NHSL3: variants seen among roughly 807,000 people sequenced by gnomAD.
The protein encoded by NHSL3 is NHS like 3.
chr1:32,751,360 C>T, the NHSL3 span, among the ~76,000 whole-genome samples: 1 of 152,318 alleles, frequency 6.6e-6, no homozygotes, highest in African/African-American at 2.4e-5. Context: ...GTTGCTACTA[C>T]AGCTAATCTA....
the NHSL3 span, chr1:32,765,904 A>T: frequency 7.2e-7 from 1 of 1,385,746 alleles, no homozygotes; most frequent in Admixed American, 2.0e-5. Flanking sequence ...AGAATGAGGA[A>T]TCAAGGCTGG....
chr1:32,759,180 T>C, the NHSL3 span, among the ~76,000 whole-genome samples: 1 of 152,088 alleles, frequency 6.6e-6, no homozygotes, highest in Admixed American at 6.5e-5. Flanking sequence ...ATTGTGTGGC[T>C]TTCTTTAAGG....
the NHSL3 span, among the ~76,000 whole-genome samples, chr1:32,765,273 GGGCTCCTGCCT>G: frequency 0.013 from 1,997 of 152,278 alleles, 44 homozygotes; most frequent in African/African-American, 0.046. Context: ...TAGCAGCTCT[GGGCTCCTGCCT>G]GGCTGCTGCA....
chr1:32,752,944 CACACACAT>C, the NHSL3 span, among the ~76,000 whole-genome samples: 23 of 25,510 alleles, frequency 9.0e-4, no homozygotes, highest in African/African-American at 2.2e-3. Context: ...CACACACACA[CACACACAT>C]ATATATATAT....
the NHSL3 span, chr1:32,771,959 C>T: frequency 1.2e-6 from 2 of 1,605,820 alleles, no homozygotes; most frequent in South Asian, 1.1e-5. Context: ...CCTGCCCCCT[C>T]CTCAGGGCTC....
At chr1:32,749,270 C>T in the NHSL3 span, among the ~76,000 whole-genome samples, 1 of 152,154 alleles carries the variant, frequency 6.6e-6, no homozygotes, top group South Asian at 2.1e-4. Context: ...AGCTGGCTAT[C>T]TGGGGTTCCG....
At chr1:32,770,953 A>G in the NHSL3 span, 1 of 963,526 alleles carries the variant, frequency 1.0e-6, no homozygotes, top group Non-Finnish European at 1.5e-6. The surrounding 1 kb of genome is among the most constrained non-coding windows in gnomAD (Gnocchi z 8.3). Context: ...TGGTACTCCC[A>G]CCCTCCCTCC....
At chr1:32,745,553 G>T in the NHSL3 span, among the ~76,000 whole-genome samples, 4 of 91,356 alleles carry the variant, frequency 4.4e-5, no homozygotes, top group Admixed American at 2.4e-4. Flanking sequence ...GCGAGACTAG[G>T]TCTCAAAAAA....
the NHSL3 span, chr1:32,772,573 G>C: frequency 1.4e-6 from 2 of 1,392,058 alleles, no homozygotes; most frequent in African/African-American, 2.9e-5. Context: ...AGGGCAAGCT[G>C]TCACCCTTGC....
the NHSL3 span, chr1:32,765,801 C>A: frequency 2.6e-6 from 4 of 1,547,628 alleles, no homozygotes; most frequent in Non-Finnish European, 3.5e-6. Flanking sequence ...CGCCTCCCGG[C>A]GCTCCTAGGG....
At chr1:32,757,017 G>A in the NHSL3 span, among the ~76,000 whole-genome samples, 4 of 152,198 alleles carry the variant, frequency 2.6e-5, no homozygotes, top group Admixed American at 2.6e-4. Flanking sequence ...AGGTGGGAGG[G>A]AAAAGTAGCT....
At chr1:32,764,994 G>C in the NHSL3 span, among the ~76,000 whole-genome samples, 2 of 152,244 alleles carry the variant, frequency 1.3e-5, no homozygotes, top group African/African-American at 4.8e-5. Flanking sequence ...TTCCAGGCTA[G>C]GGGAGAAGGA....
the NHSL3 span, among the ~76,000 whole-genome samples, chr1:32,755,917 C>T: frequency 1.3e-5 from 2 of 152,106 alleles, no homozygotes; most frequent in East Asian, 1.9e-4. Flanking sequence ...GATGGTCGCT[C>T]GGATCTGATG....
chr1:32,745,185 G>A, the NHSL3 span, among the ~76,000 whole-genome samples: 2 of 151,628 alleles, frequency 1.3e-5, no homozygotes, highest in East Asian at 3.9e-4. Flanking sequence ...AAATGCAAGG[G>A]GTTGCTATGC....
At chr1:32,763,667 G>A in the NHSL3 span, among the ~76,000 whole-genome samples, 2 of 152,066 alleles carry the variant, frequency 1.3e-5, no homozygotes, top group African/African-American at 4.8e-5. Flanking sequence ...TGCCTCCCGG[G>A]TTCAAGCGAT....
the NHSL3 span, among the ~76,000 whole-genome samples, chr1:32,752,505 G>A: frequency 6.6e-6 from 1 of 152,160 alleles, no homozygotes; most frequent in Non-Finnish European, 1.5e-5. Flanking sequence ...AGGCAATGGG[G>A]CCCTGGGCAG....
chr1:32,769,987 G>A, the NHSL3 span: 1 of 1,606,272 alleles, frequency 6.2e-7, no homozygotes, highest in Non-Finnish European at 8.5e-7. Context: ...CTCAGGGATG[G>A]GGGCCCGGGT....
the NHSL3 span, among the ~76,000 whole-genome samples, chr1:32,758,260 G>C: frequency 1.3e-5 from 2 of 152,098 alleles, no homozygotes; most frequent in East Asian, 1.9e-4. Context: ...AGGAAGACCC[G>C]CCCTCTTCCT....
the NHSL3 span, chr1:32,771,601 T>C: frequency 1.2e-6 from 2 of 1,612,394 alleles, no homozygotes; most frequent in Non-Finnish European, 1.7e-6. Context: ...CCCTTCAGGC[T>C]CCCCAGAGCT....
Sources: allele counts gnomAD v4.1 joint callset (sites outside exome capture counted in the v4.1 genomes callset), GRCh38; gene constraint gnomAD v4.1.1; non-coding constraint Gnocchi (gnomAD v3.1); transcripts MANE v1.5; gene names NCBI Gene and HGNC (gene_info 2026-07-23, HGNC 2026-07-21).